Variants in NEBL observed in about 807,000 individuals in gnomAD.
NEBL encodes the protein LIM and SH3 protein 2.
Under a neutral mutation model 140.2 loss-of-function variants are expected in NEBL, and 122 were observed. The ratio of observed to expected loss-of-function variants is 0.87; its 90% CI spans 0.75 to 1.01. The LOEUF (loss-of-function observed/expected upper bound fraction) is 1.01, where lower values mean the gene tolerates loss of function less well. Among genes scored for constraint, NEBL ranks in the 50% least tolerant of loss-of-function variants. NEBL has a pLI of 0.00. For missense variants in NEBL, 1,365 were observed against 1,231.3 expected (o/e 1.11, Z -1.62); for synonymous variants, 436 against 398.9 (o/e 1.09, Z -1.11).
At chr10:21,259,327 G>C (rs1216549816) in intron 1 of NEBL, among the ~76,000 whole-genome samples, 1 of 152,038 alleles carries the variant, frequency 6.6e-6, no homozygotes, top group Non-Finnish European at 1.5e-5. Flanking sequence ...TTCATCACTA[G>C]GCTGTGCCCA....
chr10:21,013,645 A>G (rs1023967556), intron 3 of NEBL, among the ~76,000 whole-genome samples: 1 of 152,244 alleles, frequency 6.6e-6, no homozygotes, highest in Non-Finnish European at 1.5e-5. Context: ...TGGGAGGCCA[A>G]GGTGGGTAGA....
chr10:21,044,181 G>C (rs1361069761), intron 2 of NEBL, among the ~76,000 whole-genome samples: 2 of 152,032 alleles, frequency 1.3e-5, no homozygotes, highest in African/African-American at 4.8e-5. Flanking sequence ...CGGATCACCT[G>C]AGGTCAGGAG....
chr10:21,156,524 A>C (rs1408967394), intron 2 of NEBL, among the ~76,000 whole-genome samples: 1 of 152,182 alleles, frequency 6.6e-6, no homozygotes, highest in African/African-American at 2.4e-5. Context: ...TAGGCTAACC[A>C]GGGAGCATGT....
intron 11 of NEBL, among the ~76,000 whole-genome samples, chr10:20,847,690 C>A (rs1202643150): frequency 6.6e-6 from 1 of 152,068 alleles, no homozygotes; most frequent in Admixed American, 6.6e-5. Flanking sequence ...CTGATGCTGC[C>A]AGAAATGTTC....
intron 3 of NEBL, among the ~76,000 whole-genome samples, chr10:21,238,068 A>G (rs1842383907): frequency 6.6e-6 from 1 of 152,196 alleles, no homozygotes. Flanking sequence ...GCTCTTAATA[A>G]ATATGTTCAC....
chr10:20,967,399 A>C (rs1398080743), intron 3 of NEBL, among the ~76,000 whole-genome samples: 1 of 152,182 alleles, frequency 6.6e-6, no homozygotes, highest in East Asian at 1.9e-4. Context: ...AGGCCGGGGC[A>C]GGTGGATCAC....
At chr10:20,970,132 T>A (rs1836503602) in intron 3 of NEBL, among the ~76,000 whole-genome samples, 1 of 152,184 alleles carries the variant, frequency 6.6e-6, no homozygotes, top group African/African-American at 2.4e-5. Context: ...AAGTGGCTCC[T>A]GTGTTCCAAG....
At chr10:20,912,733 GA>G (rs1286493255) in intron 4 of NEBL, among the ~76,000 whole-genome samples, 1 of 152,058 alleles carries the variant, frequency 6.6e-6, no homozygotes, top group Non-Finnish European at 1.5e-5. Flanking sequence ...AAAACGTTGT[GA>G]CTTGAGATTT....
At chr10:21,065,882 G>T (rs1239084177) in intron 2 of NEBL, among the ~76,000 whole-genome samples, 2 of 152,142 alleles carry the variant, frequency 1.3e-5, no homozygotes, top group Non-Finnish European at 2.9e-5. Context: ...ACAAAGGGAG[G>T]GTGATGGGTT....
At chr10:21,163,297 T>A (rs555654706) in intron 2 of NEBL, among the ~76,000 whole-genome samples, 1 of 152,282 alleles carries the variant, frequency 6.6e-6, no homozygotes, top group African/African-American at 2.4e-5. Flanking sequence ...ATAACTGTGG[T>A]GGCAGGAAAT....
At chr10:21,066,390 T>A (rs1053742929) in intron 2 of NEBL, among the ~76,000 whole-genome samples, 1 of 152,188 alleles carries the variant, frequency 6.6e-6, no homozygotes, top group African/African-American at 2.4e-5. Flanking sequence ...AGCAATTCGT[T>A]GTTGATAAAA....
At position 20,844,718 on chromosome 10, in the gene NEBL, AC is replaced by A. The variant is rs1588765438; in HGVS notation, c.1227+539del. 9.2e-5 allele frequency among the ~76,000 whole-genome samples: 14 copies of A among 152,128 alleles called. No individual in the cohort carries two copies. The South Asian group carries it at 2.7e-3, about 29-fold the overall frequency. Reference sequence around the variant, plus strand: ...AATATATTATTTTTCCCTACTTAGAACACAAACTACTTATAAGTAATGTAGC... The same window carrying A: ...AATATATTATTTTTCCCTACTTAGAAACAAACTACTTATAAGTAATGTAGC... On this transcript the variant is annotated intron_variant, in intron 12 of 27. Transcript: ENST00000377122.
intron 3 of NEBL, among the ~76,000 whole-genome samples, chr10:21,007,258 G>A (rs1838173170): frequency 6.6e-6 from 1 of 152,172 alleles, no homozygotes; most frequent in Non-Finnish European, 1.5e-5. Context: ...GCACCCAAGA[G>A]CTGGCAGGGC....
intron 2 of NEBL, among the ~76,000 whole-genome samples, chr10:21,112,507 C>T (rs1589246325): frequency 1.4e-5 from 2 of 148,018 alleles, no homozygotes; most frequent in Non-Finnish European, 3.0e-5. Flanking sequence ...CCAAACACCA[C>T]ATGTTCTCAC....
intron 4 of NEBL, among the ~76,000 whole-genome samples, chr10:20,914,969 A>ATT (rs71390798): frequency 0.01 from 1,131 of 111,226 alleles, 64 homozygotes; most frequent in African/African-American, 0.037. Context: ...AGTGGCTGGG[A>ATT]TTTTTTTTTT....
intron 2 of NEBL, among the ~76,000 whole-genome samples, chr10:21,139,157 C>G (rs1839498823): frequency 6.6e-6 from 1 of 152,034 alleles, no homozygotes; most frequent in Non-Finnish European, 1.5e-5. Flanking sequence ...TTTTTATAAT[C>G]AAGTTACATA....
At chr10:20,882,795 T>C (rs1846140595) in intron 4 of NEBL, among the ~76,000 whole-genome samples, 2 of 151,880 alleles carry the variant, frequency 1.3e-5, no homozygotes, top group South Asian at 4.1e-4. Flanking sequence ...CTCTCTGGAC[T>C]GCCATCTAGT....
rs373691801 is a variant in NEBL at position 21,067,262 on chromosome 10, C to T, written c.165-47061G>A. Reference sequence around the variant, plus strand: ...CTGAGATTACAGGTGTGAGCCACCGCGCCCAGCCGAAATAATTTAACTTTT... The same window carrying T: ...CTGAGATTACAGGTGTGAGCCACCGTGCCCAGCCGAAATAATTTAACTTTT... On this transcript the variant is annotated intron_variant, in intron 2 of 6. Coordinates refer to the NEBL transcript ENST00000417816. 6.0e-4 allele frequency among the ~76,000 whole-genome samples: 92 copies of T among 152,170 alleles called. 2 individuals carry two copies. The highest frequency in any genetic ancestry group is 4.6e-3 in the South Asian group (22 of 4,812).
intron 3 of NEBL, among the ~76,000 whole-genome samples, chr10:21,184,875 C>T (rs929345171): frequency 4.6e-5 from 7 of 152,188 alleles, no homozygotes; most frequent in African/African-American, 1.7e-4. Flanking sequence ...CTGGTGTACC[C>T]GAGACTGTTA....
Sources: gnomAD v4.1 joint callset for allele counts (sites outside exome capture counted in the v4.1 genomes callset) on GRCh38, gnomAD v4.1.1 for gene constraint, MANE v1.5 for transcripts, NCBI Gene and HGNC (gene_info 2026-07-23, HGNC 2026-07-21) for gene names.